RPS5: variants seen among roughly 807,000 people sequenced by gnomAD.
RPS5 encodes small ribosomal subunit protein uS7.
Under a neutral mutation model 20.9 loss-of-function variants are expected in RPS5, and 2 were observed. The ratio of observed to expected loss-of-function variants is 0.10; its 90% confidence interval spans 0.04 to 0.30. RPS5 has a LOEUF of 0.30. Among genes scored for constraint, RPS5 ranks in the 10% least tolerant of loss-of-function variants. The pLI, the probability that RPS5 is intolerant of heterozygous loss-of-function variation, is 1.00. For missense variants in RPS5, 122 were observed against 287.2 expected (o/e 0.42, Z 4.16); for synonymous variants, 112 against 105.8 (o/e 1.06, Z -0.36).
At chr19:58,388,635 A>ATTTTTT in intron 2 of RPS5, 3 of 200,616 alleles carry the variant, frequency 1.5e-5, no homozygotes, top group South Asian at 2.3e-4. Context: ...AGCTGGCCGT[A>ATTTTTT]GTTTTTTTTT....
chr19:58,388,160 C>T lies in RPS5; in HGVS notation c.23C>T (p.Ala8Val), dbSNP rs990136215. The T allele has an allele frequency of 6.2e-7, 1 of 1,612,690 alleles. No individual in the cohort carries two copies. The highest frequency in any genetic ancestry group is 8.5e-7 in the Non-Finnish European group (1 of 1,179,792). MTEWETA[A>V]PAVAETPDIK... ...AGGATGACCGAGTGGGAGACAGCAG[C>T]ACCAGCGGTGGCAGAGACCCCAGAC... The change falls in exon 2 of 6, where the codon GCA becomes GTA. Residue 8 changes from alanine to valine, a missense_variant. Physicochemically the swap from Ala to Val is moderately conservative, Grantham distance 64 (BLOSUM62 0). Coordinates refer to ENST00000196551, the MANE Select transcript of RPS5 (RefSeq NM_001009.4).
At chr19:58,387,486 C>G (rs1355210459) in intron 1 of RPS5, 147 bp downstream of exon 1, 3 of 152,338 alleles carry the variant, frequency 2.0e-5, no homozygotes, top group Non-Finnish European at 4.4e-5. Context: ...CCGAGTTACT[C>G]TTGACTTCTT....
chr19:58,389,848 G>T (rs2052351871), intron 2 of RPS5, among the ~76,000 whole-genome samples: 1 of 151,340 alleles, frequency 6.6e-6, no homozygotes, highest in African/African-American at 2.4e-5. Flanking sequence ...TGTTGGTTAG[G>T]CTGGTCTCGA....
chr19:58,389,746 C>G (rs1472822093), intron 2 of RPS5, among the ~76,000 whole-genome samples: 1 of 152,108 alleles, frequency 6.6e-6, no homozygotes, highest in Non-Finnish European at 1.5e-5. Flanking sequence ...AAGCAATGCT[C>G]CCGCCTCAGC....
rs191516809 is a variant in RPS5 at position 58,394,659 on chromosome 19, C to T, written c.547-23C>T. ...GCATTTGTGGGGGTCCTTCAGAATT[C>T]AGAGCTGTGTGTCTCCTTGCAGGGC... On this transcript the variant is annotated intron_variant, in intron 5 of 5. Transcript: ENST00000196551. 1.7e-4 allele frequency: 272 copies of T among 1,614,064 alleles called. 2 individuals carry two copies. The East Asian group carries it at 4.3e-3, about 25-fold the overall frequency.
intron 2 of RPS5, among the ~76,000 whole-genome samples, chr19:58,392,323 AG>A (rs1281212619): frequency 1.3e-5 from 2 of 150,008 alleles, no homozygotes; most frequent in Admixed American, 6.7e-5. Context: ...CTCAGCCTCA[AG>A]GGGGGGAAAA....
intron 2 of RPS5, among the ~76,000 whole-genome samples, chr19:58,391,129 C>T (rs1041173875): frequency 3.3e-5 from 5 of 152,052 alleles, no homozygotes; most frequent in African/African-American, 1.2e-4. Flanking sequence ...TATAAGAAGA[C>T]TTGTTAAATG....
intron 4 of RPS5, chr19:58,394,103 C>CT (rs1185740333): frequency 1.1e-4 from 23 of 208,040 alleles, no homozygotes; most frequent in East Asian, 4.9e-4. Flanking sequence ...ACCTGGCCGC[C>CT]TTTTTTGTTG....
chr19:58,389,169 A>G (rs1449596141), intron 2 of RPS5, among the ~76,000 whole-genome samples: 1 of 152,170 alleles, frequency 6.6e-6, no homozygotes, highest in African/African-American at 2.4e-5. Context: ...CCCTTCCTCC[A>G]TTAAAAGAAA....
intron 4 of RPS5, chr19:58,393,737 C>T (rs2052378844): frequency 5.4e-6 from 2 of 373,572 alleles, no homozygotes; most frequent in Non-Finnish European, 4.8e-6. Context: ...TGTATATGTA[C>T]TTTTTTTTTT....
rs1488839360 is a variant in RPS5, at chr19:58,387,299, G to T, written c.-42G>T. On this transcript the variant is annotated 5_prime_UTR_variant, in exon 1 of 6. Transcript: ENST00000196551. ...CCTGTCTGTACCAGGGCGGCGCGTG[G>T]TCTACGCCGAGTGACAGAGACGCTC... 1 of 152,296 alleles carries T rather than the reference G, an allele frequency of 6.6e-6. No homozygotes were observed. Among genetic ancestry groups the T allele is most frequent in the Non-Finnish European group, 1.5e-5 (1 of 68,074 alleles). 9.4% of individuals were successfully genotyped at this position (152,296 alleles called of 1,614,324 possible). A position where few individuals can be genotyped will look rare whatever the true frequency, so the allele number is the denominator to read the frequency against.
intron 2 of RPS5, among the ~76,000 whole-genome samples, chr19:58,391,424 C>T (rs944433408): frequency 4.1e-5 from 5 of 121,608 alleles, no homozygotes; most frequent in African/African-American, 1.6e-4. Context: ...AAGAGCGAAA[C>T]TCCATCTCAA....
chr19:58,394,477 G>T lies in RPS5; in HGVS notation c.448-20G>T. On this transcript the variant is annotated intron_variant, in intron 4 of 5. Coordinates refer to ENST00000196551, the MANE Select transcript of RPS5 (RefSeq NM_001009.4). ...GGACCGCAGTCTGTCCTTCTAGCCT[G>T]ACCCCTGCTGTCTTCCTAGGCCATC... 1.2e-6 allele frequency: 2 copies of T among 1,610,886 alleles called. No homozygotes were observed. Among genetic ancestry groups the T allele is most frequent in the South Asian group, 2.2e-5 (2 of 90,898 alleles).
At chr19:58,388,479 T>A (rs989755356) in intron 2 of RPS5, 1 of 559,454 alleles carries the variant, frequency 1.8e-6, no homozygotes, top group Non-Finnish European at 3.2e-6. Context: ...ATCTCACATA[T>A]GGTATTTTTG....
intron 2 of RPS5, among the ~76,000 whole-genome samples, chr19:58,390,928 G>T (rs969399209): frequency 6.6e-6 from 1 of 152,018 alleles, no homozygotes; most frequent in South Asian, 2.1e-4. Flanking sequence ...ATCATTCCTT[G>T]TATTTGTAGA....
Position 58,391,598 on chromosome 19 carries a change from A to T in RPS5, c.109-1378A>T, listed in dbSNP as rs553775064. On this transcript the variant is annotated intron_variant, in intron 2 of 5. Coordinates refer to ENST00000196551, the MANE Select transcript of RPS5 (RefSeq NM_001009.4). The stretch of plus-strand genomic sequence containing the variant: ...AGCCTGGGTGACAGAGTGAGACTCC[A>T]TCTCAAAAACAAACAAACAAAAAAC... Among the ~76,000 whole-genome samples the T allele has an allele frequency of 1.5e-3, 224 of 151,426 alleles. No homozygotes were observed. In the Middle Eastern group the frequency reaches 0.024, roughly 16 times the overall value.
intron 2 of RPS5, chr19:58,388,635 AGTTTTTTT>A (rs765810225): frequency 4.0e-5 from 8 of 200,632 alleles, no homozygotes; most frequent in Middle Eastern, 1.4e-3. Flanking sequence ...AGCTGGCCGT[AGTTTTTTT>A]TTTTTTTTTT....
chr19:58,389,335 G>A (rs1045220143), intron 2 of RPS5, among the ~76,000 whole-genome samples: 17 of 152,012 alleles, frequency 1.1e-4, no homozygotes, highest in African/African-American at 4.1e-4. Context: ...GCAGTGGTGT[G>A]ATCACAGTTC....
intron 4 of RPS5, chr19:58,394,120 G>GT (rs1468885517): frequency 4.7e-6 from 1 of 211,442 alleles, no homozygotes; most frequent in Non-Finnish European, 9.7e-6. Flanking sequence ...GTTGTCGTCG[G>GT]TTTTTTTGTT....
Sources: allele counts gnomAD v4.1 joint callset (sites outside exome capture counted in the v4.1 genomes callset), GRCh38; gene constraint gnomAD v4.1.1; transcripts MANE v1.5; gene names NCBI Gene and HGNC (gene_info 2026-07-23, HGNC 2026-07-21).